ITPR2: variants seen among roughly 807,000 people sequenced by gnomAD.
ITPR2 encodes the protein inositol 1,4,5-trisphosphate receptor type 2.
ITPR2 carries 207 observed loss-of-function variants against 317.1 expected under a neutral mutation model. The observed-to-expected ratio is 0.65, with a 90% CI of 0.58 to 0.73. ITPR2 has a LOEUF of 0.73. ITPR2 is among the 30% of genes least tolerant of loss of function. ITPR2 has a pLI of 0.00. For synonymous variants in ITPR2, 1,156 were observed against 1,149.1 expected, an observed-to-expected ratio of 1.01 and a Z score of -0.12; for missense variants, 2,613 against 3,284.0, an observed-to-expected ratio of 0.80 and a Z score of 4.99.
At chr12:26,349,086 T>C (rs7964924) in intron 55 of ITPR2, among the ~76,000 whole-genome samples, 23,019 of 152,214 alleles carry the variant, frequency 0.15, 2,056 homozygotes, top group Middle Eastern at 0.23. Flanking sequence ...AGGTAGAGAC[T>C]GTAGTGAGCT....
intron 46 of ITPR2, among the ~76,000 whole-genome samples, chr12:26,442,015 C>T (rs10743585): frequency 0.82 from 124,812 of 151,970 alleles, 52,292 homozygotes; most frequent in Non-Finnish European, 0.91. Context: ...TTCGATATCA[C>T]CTCTCACTTT....
chr12:26,560,491 T>A (rs538894507), intron 35 of ITPR2, among the ~76,000 whole-genome samples: 9 of 152,316 alleles, frequency 5.9e-5, no homozygotes, highest in Non-Finnish European at 1.3e-4. Flanking sequence ...TTAATGATAC[T>A]ACCTAGTCTC....
intron 10 of ITPR2, among the ~76,000 whole-genome samples, chr12:26,690,012 C>G (rs1247830410): frequency 6.6e-6 from 1 of 152,112 alleles, no homozygotes; most frequent in Non-Finnish European, 1.5e-5. Context: ...CCTATTGTAG[C>G]CAAAAGAAAG....
At chr12:26,565,885 A>G (rs1166513878) in intron 34 of ITPR2, among the ~76,000 whole-genome samples, 1 of 24,280 alleles carries the variant, frequency 4.1e-5, no homozygotes, top group Non-Finnish European at 8.7e-5. Context: ...AGGAGAGGGG[A>G]GGGGAGGAGA....
At chr12:26,619,719 A>T (rs1203865075) in intron 26 of ITPR2, among the ~76,000 whole-genome samples, 1 of 152,174 alleles carries the variant, frequency 6.6e-6, no homozygotes, top group Admixed American at 6.5e-5. Context: ...AAGGAATTAA[A>T]GCTGGAGTCT....
At chr12:26,656,596 C>A in intron 18 of ITPR2, 48 bp from the exon 19 acceptor site, 1 of 1,591,004 alleles carries the variant, frequency 6.3e-7, no homozygotes, top group South Asian at 1.1e-5. Context: ...TCAAGGAAAT[C>A]TTTAAACGTC....
intron 10 of ITPR2, among the ~76,000 whole-genome samples, chr12:26,695,139 G>C (rs555715181): frequency 6.6e-6 from 1 of 152,234 alleles, no homozygotes; most frequent in African/African-American, 2.4e-5. Context: ...TTGAATTACA[G>C]ACCGTATCTA....
intron 54 of ITPR2, among the ~76,000 whole-genome samples, chr12:26,393,595 G>A (rs144866989): frequency 2.4e-4 from 36 of 152,090 alleles, no homozygotes; most frequent in African/African-American, 7.2e-4. Flanking sequence ...AAATATTCAC[G>A]CTGAATTTGT....
intron 55 of ITPR2, among the ~76,000 whole-genome samples, chr12:26,357,821 C>T (rs1415749308): frequency 2.0e-5 from 3 of 152,228 alleles, no homozygotes; most frequent in Non-Finnish European, 4.4e-5. Flanking sequence ...CTGGTTGTGG[C>T]CCATGTGGCC....
chr12:26,631,026 C>T (rs1461680097), intron 22 of ITPR2, among the ~76,000 whole-genome samples: 1 of 152,164 alleles, frequency 6.6e-6, no homozygotes, highest in Non-Finnish European at 1.5e-5. Flanking sequence ...GAACAATGTA[C>T]AGACCCTTAA....
chr12:26,660,150 T>A (rs1947464897), intron 15 of ITPR2, among the ~76,000 whole-genome samples: 1 of 152,132 alleles, frequency 6.6e-6, no homozygotes, highest in Non-Finnish European at 1.5e-5. Context: ...TTATGTTCTA[T>A]CAACAGAAGG....
chr12:26,626,957 A>C (rs182615584), intron 23 of ITPR2, among the ~76,000 whole-genome samples: 1 of 152,360 alleles, frequency 6.6e-6, no homozygotes, highest in East Asian at 1.9e-4. Context: ...CTGTCCAAAA[A>C]AAAAAATGGT....
At position 26,705,627 on chromosome 12, in the gene ITPR2, C is replaced by T. The variant is rs146217211; in HGVS notation, c.951+5546G>A. 4.3e-3 allele frequency among the ~76,000 whole-genome samples: 653 copies of T among 152,296 alleles called. 2 individuals are homozygous for T. Among genetic ancestry groups the T allele is most frequent in the Non-Finnish European group, 7.8e-3 (531 of 68,024 alleles). ...CAATTTCATCCAGACATTTTATAAG[C>T]ATAATCAAATTTGAATGGATTATTT... is the stretch of plus-strand genomic sequence containing the variant. On this transcript the variant is annotated intron_variant, in intron 9 of 56. Coordinates refer to ENST00000381340, the MANE Select transcript of ITPR2 (RefSeq NM_002223.4).
At chr12:26,735,750 C>T (rs1949109626) in intron 2 of ITPR2, among the ~76,000 whole-genome samples, 3 of 152,300 alleles carry the variant, frequency 2.0e-5, no homozygotes, top group South Asian at 4.1e-4. Flanking sequence ...TAAACATATC[C>T]TGTGGTCAAG....
At chr12:26,539,787 A>G (rs1190082453) in intron 37 of ITPR2, among the ~76,000 whole-genome samples, 3 of 152,212 alleles carry the variant, frequency 2.0e-5, no homozygotes, top group African/African-American at 7.2e-5. Context: ...GTTTGCAGGG[A>G]TGTCAAATAC....
At chr12:26,511,683 T>A (rs1041194235) in intron 37 of ITPR2, among the ~76,000 whole-genome samples, 7 of 152,234 alleles carry the variant, frequency 4.6e-5, no homozygotes, top group African/African-American at 1.2e-4. Context: ...AAACATTCTT[T>A]ATTCTATTCT....
At chr12:26,503,290 G>A (rs562251493) in intron 37 of ITPR2, among the ~76,000 whole-genome samples, 10 of 151,846 alleles carry the variant, frequency 6.6e-5, no homozygotes, top group African/African-American at 2.2e-4. Context: ...TCTTAAAAGA[G>A]AGGAAGAAAA....
intron 26 of ITPR2, among the ~76,000 whole-genome samples, chr12:26,612,713 G>A (rs758105126): frequency 6.6e-6 from 1 of 152,126 alleles, no homozygotes; most frequent in Non-Finnish European, 1.5e-5. Context: ...GCCTCTTAAC[G>A]GGTGTCCCAA....
intron 39 of ITPR2, among the ~76,000 whole-genome samples, chr12:26,491,759 G>C (rs897624072): frequency 6.6e-6 from 1 of 152,164 alleles, no homozygotes; most frequent in South Asian, 2.1e-4. Flanking sequence ...TAAGGTCAAG[G>C]ATGACTATCA....
Sources: gnomAD v4.1 joint callset for allele counts (sites outside exome capture counted in the v4.1 genomes callset) on GRCh38, gnomAD v4.1.1 for gene constraint, MANE v1.5 for transcripts, NCBI Gene and HGNC (gene_info 2026-07-23, HGNC 2026-07-21) for gene names.